GALNT2: variants seen among roughly 807,000 people sequenced by gnomAD.
GALNT2 encodes the protein polypeptide N-acetylgalactosaminyltransferase 2, also known as UDP-GalNAc:polypeptide N-acetylgalactosaminyltransferase 2.
GALNT2 carries 31 observed loss-of-function variants against 81.4 expected under a neutral mutation model. The ratio of observed to expected loss-of-function variants is 0.38; its 90% CI spans 0.29 to 0.51. The LOEUF is 0.51. Among genes scored for constraint, GALNT2 ranks in the 20% least tolerant of loss-of-function variants. The pLI, the probability that GALNT2 is intolerant of heterozygous loss-of-function variation, is 0.87. For missense variants in GALNT2, 629 were observed against 765.7 expected (o/e 0.82, Z 2.11); for synonymous variants, 303 against 287.4 (o/e 1.05, Z -0.55).
At chr1:230,272,179 A>G (rs1034853911) in intron 14 of GALNT2, among the ~76,000 whole-genome samples, 1 of 152,144 alleles carries the variant, frequency 6.6e-6, no homozygotes, top group African/African-American at 2.4e-5. Context: ...ACACTGTCCT[A>G]GAGTATGGGT....
At chr1:230,157,902 G>T (rs1293644863) in intron 1 of GALNT2, among the ~76,000 whole-genome samples, 1 of 152,182 alleles carries the variant, frequency 6.6e-6, no homozygotes, top group African/African-American at 2.4e-5. Flanking sequence ...GGTGGTGGTT[G>T]CATGACTATA....
chr1:230,265,167 T>C, intron 13 of GALNT2, 74 bp from the exon 14 acceptor site: 1 of 1,603,498 alleles, frequency 6.2e-7, no homozygotes, highest in Non-Finnish European at 8.5e-7. Flanking sequence ...ATGAGGCCAC[T>C]GAGCAAAGGG....
At chr1:230,189,524 A>G (rs1336728427) in intron 2 of GALNT2, among the ~76,000 whole-genome samples, 2 of 152,226 alleles carry the variant, frequency 1.3e-5, no homozygotes, top group African/African-American at 4.8e-5. Context: ...AAGAAAGATG[A>G]GATAAACCAC....
rs993912144 is a variant in GALNT2, at chr1:230,236,046, C to T, written c.407C>T (p.Pro136Leu). 12 of 1,613,528 alleles carry T rather than the reference C, an allele frequency of 7.4e-6. 1 individual carries two copies. The highest frequency in any genetic ancestry group is 5.3e-5 in the African/African-American group (4 of 75,032). Residue 136 changes from proline to leucine, a missense_variant, in exon 4 of 16, where the codon CCG becomes CTG. By Grantham distance (98) the Pro-to-Leu change is moderately conservative (BLOSUM62 -3). Coordinates refer to ENST00000366672, the MANE Select transcript of GALNT2 (RefSeq NM_004481.5). The stretch of plus-strand genomic sequence containing the variant: ...CGGAAGCAGTGGCGGGTGGATCTGC[C>T]GGCCACCAGCGTGGTGATCACGTTT... ...CQRKQWRVDLPATSVVITFHN... is the reference protein window; with the variant it reads ...CQRKQWRVDLLATSVVITFHN...
At chr1:230,159,430 C>T (rs1288290907) in intron 1 of GALNT2, among the ~76,000 whole-genome samples, 3 of 152,184 alleles carry the variant, frequency 2.0e-5, no homozygotes, top group African/African-American at 7.2e-5. Flanking sequence ...CCAATTATTT[C>T]GTTTCTTTGT....
chr1:230,170,234 C>A (rs1377230165), intron 1 of GALNT2, among the ~76,000 whole-genome samples: 1 of 152,216 alleles, frequency 6.6e-6, no homozygotes, highest in Non-Finnish European at 1.5e-5. Flanking sequence ...TTTACCTGTT[C>A]TCCCTAGGTG....
intron 11 of GALNT2, among the ~76,000 whole-genome samples, chr1:230,258,087 G>A (rs1032509089): frequency 2.0e-5 from 3 of 151,924 alleles, no homozygotes; most frequent in African/African-American, 7.3e-5. Context: ...GCTAATTTTT[G>A]TATTTTTAGT....
chr1:230,184,519 T>C (rs1663260817), intron 2 of GALNT2, among the ~76,000 whole-genome samples: 1 of 152,140 alleles, frequency 6.6e-6, no homozygotes. Context: ...TACAGAATTC[T>C]AGGTGGTCAT....
chr1:230,092,816 G>C (rs764377608), intron 1 of GALNT2, among the ~76,000 whole-genome samples: 1 of 152,164 alleles, frequency 6.6e-6, no homozygotes, highest in Non-Finnish European at 1.5e-5. Context: ...TAAAATAAGA[G>C]TTTAAAAATC....
At chr1:230,061,865 CCTT>C (rs1357369265) in intron 1 of GALNT2, among the ~76,000 whole-genome samples, 1 of 152,170 alleles carries the variant, frequency 6.6e-6, no homozygotes, top group Admixed American at 6.5e-5. Flanking sequence ...AACCAGCAAA[CCTT>C]CTACACAAGT....
intron 9 of GALNT2, 104 bp downstream of exon 9, chr1:230,249,375 C>T (rs1665474063): frequency 1.1e-6 from 1 of 889,586 alleles, no homozygotes; most frequent in Non-Finnish European, 1.8e-6. Context: ...GGCTGTTCAC[C>T]TTCTGCCCTC....
In GALNT2 at chr1:230,247,079, A is replaced by T. The variant is rs75443281; in HGVS notation, c.817+929A>T. On this transcript the variant is annotated intron_variant, in intron 8 of 15. Transcript: ENST00000366672. ...ACATAACAAGACTCTTGTCTCTATTAAAAAAAAAAAAAAAAATTAGCTGCG... is the reference window on the plus strand; with the variant it reads ...ACATAACAAGACTCTTGTCTCTATTTAAAAAAAAAAAAAAAATTAGCTGCG... 4.2e-5 allele frequency among the ~76,000 whole-genome samples: 5 copies of T among 119,204 alleles called. No homozygotes were observed. In the East Asian group the frequency reaches 6.2e-4, roughly 15 times the overall value. 78.2% of individuals were successfully genotyped at this position (119,204 alleles called of 152,430 possible). A position where few individuals can be genotyped will look rare whatever the true frequency, so the allele number is the denominator to read the frequency against.
intron 1 of GALNT2, among the ~76,000 whole-genome samples, chr1:230,175,545 TC>T (rs1662942278): frequency 6.8e-6 from 1 of 146,058 alleles, no homozygotes; most frequent in South Asian, 2.3e-4. Context: ...TTCATTGTCC[TC>T]CCCTCCCCCT....
chr1:230,139,031 G>A (rs1447200815), intron 1 of GALNT2, among the ~76,000 whole-genome samples: 1 of 152,098 alleles, frequency 6.6e-6, no homozygotes, highest in Non-Finnish European at 1.5e-5. Flanking sequence ...ATTCAAGATG[G>A]AGTCACTCTG....
At chr1:230,090,184 G>C (rs16850882) in intron 1 of GALNT2, among the ~76,000 whole-genome samples, 1,773 of 152,280 alleles carry the variant, frequency 0.012, 41 homozygotes, top group African/African-American at 0.041. Context: ...CACCAAGATA[G>C]AATGAATGTA....
chr1:230,140,808 A>G (rs193044019), intron 1 of GALNT2, among the ~76,000 whole-genome samples: 33 of 152,348 alleles, frequency 2.2e-4, no homozygotes, highest in African/African-American at 7.5e-4. Flanking sequence ...GTAGCAAAAC[A>G]CAAAATAATG....
At chr1:230,117,194 C>T (rs1374528365) in intron 1 of GALNT2, among the ~76,000 whole-genome samples, 1 of 152,250 alleles carries the variant, frequency 6.6e-6, no homozygotes, top group East Asian at 1.9e-4. Context: ...CTGCAGCTTC[C>T]TCACACACGG....
chr1:230,253,951 C>T (rs1572142308), intron 10 of GALNT2, among the ~76,000 whole-genome samples: 2 of 151,998 alleles, frequency 1.3e-5, no homozygotes, highest in East Asian at 3.9e-4. Context: ...ACTTAATTTC[C>T]TGGGAATACT....
chr1:230,179,829 C>T (rs949826806), intron 2 of GALNT2, among the ~76,000 whole-genome samples: 1 of 152,150 alleles, frequency 6.6e-6, no homozygotes, highest in African/African-American at 2.4e-5. Flanking sequence ...ATTGTCACGC[C>T]TTTGGTGTTT....
Sources: allele counts gnomAD v4.1 joint callset (sites outside exome capture counted in the v4.1 genomes callset), GRCh38; gene constraint gnomAD v4.1.1; transcripts MANE v1.5; gene names NCBI Gene and HGNC (gene_info 2026-07-23, HGNC 2026-07-21).